The following TRPM5 variants were observed in gnomAD, a reference collection of about 807,000 sequenced individuals.
The protein encoded by TRPM5 is MLSN1 and TRP-related.
TRPM5 carries 121 observed loss-of-function variants against 124.9 expected under a neutral mutation model. The observed-to-expected ratio is 0.97, with a 90% CI of 0.84 to 1.13. The LOEUF (loss-of-function observed/expected upper bound fraction) is 1.13, where lower values mean the gene tolerates loss of function less well. TRPM5 is among the 50% of genes most tolerant of loss of function. TRPM5 has a pLI of 0.00. For synonymous variants in TRPM5, 781 were observed against 700.5 expected, an observed-to-expected ratio of 1.11 and a Z score of -1.81; for missense variants, 1,643 against 1,589.1, an observed-to-expected ratio of 1.03 and a Z score of -0.58.
chr11:2,433,626 T>C, the TRPM5 span, among the ~76,000 whole-genome samples: 3 of 152,246 alleles, frequency 2.0e-5, no homozygotes, highest in Non-Finnish European at 4.4e-5. Context: ...GAGAATTCCT[T>C]CCACTGAAGG....
chr11:2,431,944 A>G, the TRPM5 span, among the ~76,000 whole-genome samples: 7 of 152,198 alleles, frequency 4.6e-5, no homozygotes, highest in African/African-American at 1.7e-4. Context: ...TACAGACCAC[A>G]TGTTCTAAAG....
At chr11:2,413,415 C>T (rs1001280875) in intron 13 of TRPM5, 61 bp downstream of exon 18, 18 of 1,491,330 alleles carry the variant, frequency 1.2e-5, no homozygotes, top group South Asian at 4.9e-5. Context: ...AGGCCCTCCC[C>T]GTAGCTCCGG....
At chr11:2,426,352 G>A (rs1438715807), upstream of TRPM5, among the ~76,000 whole-genome samples, 2 of 152,176 alleles carry the variant, frequency 1.3e-5, no homozygotes, top group Admixed American at 6.5e-5. Flanking sequence ...CAGGTGCTAG[G>A]CACCAGGCAA....
At chr11:2,410,469 G>A (rs983219190) in intron 18 of TRPM5, among the ~76,000 whole-genome samples, 8 of 152,238 alleles carry the variant, frequency 5.3e-5, no homozygotes, top group Non-Finnish European at 7.4e-5. Flanking sequence ...CCAAGTCTGC[G>A]GCACCCCTCG....
At chr11:2,437,671 G>T in the TRPM5 span, among the ~76,000 whole-genome samples, 1 of 152,138 alleles carries the variant, frequency 6.6e-6, no homozygotes, top group Non-Finnish European at 1.5e-5. This position sits in a 1 kb window ranked among gnomAD's most constrained non-coding sequence, Gnocchi z 5.6. Flanking sequence ...ACAGGAGAGA[G>T]GGGAGTACAC....
chr11:2,431,341 G>A, the TRPM5 span, among the ~76,000 whole-genome samples: 8 of 152,096 alleles, frequency 5.3e-5, no homozygotes, highest in Non-Finnish European at 1.2e-4. Flanking sequence ...GACCCTGAAA[G>A]TCCAGCCTAA....
chr11:2,430,148 G>A, the TRPM5 span, among the ~76,000 whole-genome samples: 1 of 152,124 alleles, frequency 6.6e-6, no homozygotes, highest in East Asian at 1.9e-4. Flanking sequence ...CTATTACCCT[G>A]ACAATAAAAC....
At chr11:2,439,839 C>G in the TRPM5 span, among the ~76,000 whole-genome samples, 1 of 152,104 alleles carries the variant, frequency 6.6e-6, no homozygotes, top group Non-Finnish European at 1.5e-5. Flanking sequence ...GATACATATA[C>G]AAAAGAAAAA....
chr11:2,410,778 T>C (rs1010284979), intron 18 of TRPM5: 10 of 420,934 alleles, frequency 2.4e-5, no homozygotes, highest in Middle Eastern at 3.5e-4. Flanking sequence ...CACACACACA[T>C]TGGGGTGGGT....
At chr11:2,443,459 G>T in the TRPM5 span, among the ~76,000 whole-genome samples, 1 of 152,138 alleles carries the variant, frequency 6.6e-6, no homozygotes, top group African/African-American at 2.4e-5. The surrounding 1 kb of genome is among the most constrained non-coding windows in gnomAD (Gnocchi z 5.0). Flanking sequence ...TGCTTCCCAG[G>T]AAGGTACCCT....
chr11:2,444,138 A>T, the TRPM5 span, among the ~76,000 whole-genome samples: 2 of 148,336 alleles, frequency 1.3e-5, no homozygotes, highest in Non-Finnish European at 3.0e-5. Context: ...CCACCCACAC[A>T]GCTCCCACTG....
exon 9 of TRPM5, chr11:2,415,411 G>C: frequency 6.3e-7 from 1 of 1,593,242 alleles, no homozygotes; most frequent in Non-Finnish European, 8.5e-7. Flanking sequence ...ACAAAGAGGC[G>C]CACAAACTCG....
chr11:2,432,304 C>T, the TRPM5 span, among the ~76,000 whole-genome samples: 5 of 152,242 alleles, frequency 3.3e-5, no homozygotes, highest in East Asian at 1.9e-4. Flanking sequence ...CAGTTGGCCC[C>T]GGGCAGGCTT....
At chr11:2,413,655 A>G (rs1850502196) in intron 12 of TRPM5, 67 bp from the exon 18 acceptor site, 1 of 1,455,288 alleles carries the variant, frequency 6.9e-7, no homozygotes, top group Non-Finnish European at 9.5e-7. Context: ...CTGCCCCAGG[A>G]ATGCCCTTCC....
At chr11:2,430,971 A>T in the TRPM5 span, among the ~76,000 whole-genome samples, 1 of 151,916 alleles carries the variant, frequency 6.6e-6, no homozygotes, top group South Asian at 2.1e-4. Context: ...GGTAGTGATG[A>T]CAGGGATGAT....
At chr11:2,416,109 C>G in intron 7 of TRPM5, 85 bp from the exon 13 acceptor site, 1 of 964,576 alleles carries the variant, frequency 1.0e-6, no homozygotes, top group Non-Finnish European at 1.6e-6. Flanking sequence ...AGGTGCGCTG[C>G]CTAGAGACGC....
exon 24 of TRPM5, chr11:2,404,580 G>A (rs1589863121): frequency 3.9e-6 from 1 of 255,280 alleles, no homozygotes; most frequent in East Asian, 8.4e-5. Context: ...GCAGACCCCA[G>A]AGCAGCTTCG....
intron 18 of TRPM5, among the ~76,000 whole-genome samples, chr11:2,410,939 C>T (rs1008162536): frequency 6.6e-6 from 1 of 152,158 alleles, no homozygotes; most frequent in African/African-American, 2.4e-5. Context: ...GCTGGAGGGC[C>T]CAGACCCCGG....
chr11:2,406,863 C>A, intron 20 of TRPM5, 70 bp from the exon 26 acceptor site: 2 of 1,545,312 alleles, frequency 1.3e-6, no homozygotes, highest in South Asian at 2.5e-5. Flanking sequence ...CAGGCCTGGT[C>A]CCGGGGCGAG....
Sources: allele counts gnomAD v4.1 joint callset (sites outside exome capture counted in the v4.1 genomes callset), GRCh38; gene constraint gnomAD v4.1.1; non-coding constraint Gnocchi (gnomAD v3.1); transcripts MANE v1.5; gene names NCBI Gene and HGNC (gene_info 2026-07-23, HGNC 2026-07-21).